The following DOCK2 variants were observed in gnomAD, a reference collection of about 807,000 sequenced individuals.
The protein encoded by DOCK2 is dedicator of cytokinesis 2.
In DOCK2, 87 loss-of-function variants were observed where a neutral mutation model predicts 248.9. The observed-to-expected ratio is 0.35, with a 90% CI of 0.29 to 0.42. The LOEUF is 0.42. DOCK2 is among the 10% of genes least tolerant of loss of function. The pLI is 1.00. For missense variants in DOCK2, 1,747 were observed against 2,300.2 expected (o/e 0.76, Z 4.92); for synonymous variants, 805 against 821.6 (o/e 0.98, Z 0.35).
At chr5:169,959,836 A>C (rs1777011961) in intron 27 of DOCK2, among the ~76,000 whole-genome samples, 3 of 152,216 alleles carry the variant, frequency 2.0e-5, no homozygotes, top group Admixed American at 6.5e-5. Flanking sequence ...CAAAATAGGA[A>C]ATACAACAAT....
At chr5:169,646,604 G>T (rs1450420100) in intron 1 of DOCK2, among the ~76,000 whole-genome samples, 1 of 152,174 alleles carries the variant, frequency 6.6e-6, no homozygotes, top group East Asian at 1.9e-4. Context: ...TGCAATAGCA[G>T]GAACGTGGTA....
chr5:169,874,060 A>G lies in DOCK2; in HGVS notation c.2799+33208A>G, dbSNP rs146669859. On this transcript the variant is annotated intron_variant, in intron 27 of 51. Coordinates refer to ENST00000520908, the MANE Select transcript of DOCK2 (RefSeq NM_004946.3). ...GCAGAGAATCTCCTTTACAGAATCC[A>G]TAAGTTCTTCTCTGTCTGGTCCAGA... is the stretch of plus-strand genomic sequence containing the variant. 5.6e-3 allele frequency among the ~76,000 whole-genome samples: 856 copies of G among 152,236 alleles called. 7 individuals are homozygous for G. The highest frequency in any genetic ancestry group is 0.017 in the African/African-American group (700 of 41,556).
intron 33 of DOCK2, 60 bp downstream of exon 33, chr5:170,019,168 A>G (rs372636578): frequency 6.2e-7 from 1 of 1,609,278 alleles, no homozygotes; most frequent in Non-Finnish European, 8.5e-7. Flanking sequence ...ATTTCCCCAT[A>G]ATGATATCCT....
At chr5:169,946,147 A>G (rs146253338) in intron 27 of DOCK2, among the ~76,000 whole-genome samples, 1 of 152,332 alleles carries the variant, frequency 6.6e-6, no homozygotes, top group East Asian at 1.9e-4. Flanking sequence ...GTGATCTAAC[A>G]GTCTCCCTGC....
intron 27 of DOCK2, among the ~76,000 whole-genome samples, chr5:169,894,005 A>G (rs913598339): frequency 6.6e-6 from 1 of 152,210 alleles, no homozygotes; most frequent in Non-Finnish European, 1.5e-5. Context: ...GAAGGGACCT[A>G]TGCTCCAGTA....
intron 9 of DOCK2, among the ~76,000 whole-genome samples, chr5:169,690,541 G>T (rs1760236383): frequency 6.6e-6 from 1 of 152,194 alleles, no homozygotes; most frequent in African/African-American, 2.4e-5. Context: ...GGGATCATAG[G>T]TCCTAATTGC....
chr5:169,716,643 A>C (rs11954030), intron 20 of DOCK2, among the ~76,000 whole-genome samples: 31,367 of 152,132 alleles, frequency 0.21, 3,318 homozygotes, highest in South Asian at 0.28. Context: ...GTAAAGCACC[A>C]AAAATGTTTC....
intron 48 of DOCK2, among the ~76,000 whole-genome samples, chr5:170,078,257 C>T (rs1042943189): frequency 2.0e-5 from 3 of 152,198 alleles, no homozygotes; most frequent in Non-Finnish European, 2.9e-5. Flanking sequence ...GCACCACCTA[C>T]CCACCCCTCT....
At chr5:169,931,799 G>C (rs1427023660) in intron 27 of DOCK2, among the ~76,000 whole-genome samples, 1 of 152,184 alleles carries the variant, frequency 6.6e-6, no homozygotes, top group Non-Finnish European at 1.5e-5. Flanking sequence ...ACAATTCCCA[G>C]CTAGCCCCAG....
rs144614640 is a variant in DOCK2 at position 169,988,866 on chromosome 5, G to T, written c.2993+2944G>T. 1.0e-3 allele frequency among the ~76,000 whole-genome samples: 157 copies of T among 152,206 alleles called. 2 individuals carry two copies. Among genetic ancestry groups the T allele is most frequent in the African/African-American group, 3.6e-3 (149 of 41,534 alleles). ...TAGTGAACAATTTCAACCCAATTTA[G>T]ATAAACAGAACAGGTACCATGACTT... On this transcript the variant is annotated intron_variant, in intron 29 of 51. Coordinates refer to ENST00000520908, the MANE Select transcript of DOCK2 (RefSeq NM_004946.3).
intron 27 of DOCK2, among the ~76,000 whole-genome samples, chr5:169,943,974 G>T (rs989020266): frequency 2.0e-5 from 3 of 152,216 alleles, no homozygotes; most frequent in African/African-American, 7.2e-5. Flanking sequence ...CTGTAAAGTG[G>T]TAAGAGTGGG....
chr5:169,701,617 C>T (rs188258851), intron 13 of DOCK2, among the ~76,000 whole-genome samples: 61 of 152,190 alleles, frequency 4.0e-4, no homozygotes, highest in Middle Eastern at 3.4e-3. Flanking sequence ...CAGGCTCAAG[C>T]AATCCTCCTA....
rs1581001910 is a variant in DOCK2 at position 169,667,737 on chromosome 5, T to A, written c.128-1551T>A. Among the ~76,000 whole-genome samples, 4 of 152,316 alleles carry A rather than the reference T, an allele frequency of 2.6e-5. No individual in the cohort carries two copies. The South Asian group carries it at 8.3e-4, about 32-fold the overall frequency. On this transcript the variant is annotated intron_variant, in intron 2 of 51. Transcript: ENST00000520908. ...CTACTTAATAGGATTGTTGTAAAGA[T>A]TAATTTACAATAAGACAAAACAAAA...
chr5:169,792,438 ATATAT>A (rs1478217845), intron 25 of DOCK2, among the ~76,000 whole-genome samples: 8 of 129,296 alleles, frequency 6.2e-5, no homozygotes, highest in Non-Finnish European at 1.1e-4. Flanking sequence ...ATATGTGTAC[ATATAT>A]TTTATATATG....
At chr5:169,932,727 A>G (rs1317717153) in intron 27 of DOCK2, among the ~76,000 whole-genome samples, 2 of 152,202 alleles carry the variant, frequency 1.3e-5, no homozygotes, top group Non-Finnish European at 2.9e-5. Context: ...GACTTATATT[A>G]GAAGGGAAAT....
At chr5:169,732,964 G>T (rs1399789762) in intron 22 of DOCK2, among the ~76,000 whole-genome samples, 3 of 152,078 alleles carry the variant, frequency 2.0e-5, no homozygotes, top group South Asian at 2.1e-4. Context: ...AATAGAAATG[G>T]TAATACATAT....
chr5:169,753,778 G>A (rs561666356), intron 23 of DOCK2, among the ~76,000 whole-genome samples: 2 of 152,290 alleles, frequency 1.3e-5, no homozygotes, highest in East Asian at 3.9e-4. Flanking sequence ...TGAGAGATTA[G>A]TGATGAGACT....
chr5:170,074,833 C>T (rs1757787745), intron 46 of DOCK2, among the ~76,000 whole-genome samples: 1 of 152,208 alleles, frequency 6.6e-6, no homozygotes, highest in Admixed American at 6.5e-5. Context: ...AACTTCAACA[C>T]ATTCCTCTGT....
intron 26 of DOCK2, among the ~76,000 whole-genome samples, chr5:169,821,946 A>C (rs1768475108): frequency 6.6e-6 from 1 of 151,800 alleles, no homozygotes; most frequent in African/African-American, 2.4e-5. Context: ...AATGGAAAAC[A>C]AAAAAAGGCA....
Sources: gnomAD v4.1 joint callset for allele counts (sites outside exome capture counted in the v4.1 genomes callset) on GRCh38, gnomAD v4.1.1 for gene constraint, MANE v1.5 for transcripts, NCBI Gene and HGNC (gene_info 2026-07-23, HGNC 2026-07-21) for gene names.